NTM: variants seen among roughly 807,000 people sequenced by gnomAD.
NTM encodes neurotrimin, also known as IgLON family member 2.
NTM carries 13 observed loss-of-function variants against 42.1 expected under a neutral mutation model. The ratio of observed to expected loss-of-function variants is 0.31; its 90% CI spans 0.20 to 0.49. NTM has a LOEUF of 0.49. NTM is among the 20% of genes least tolerant of loss of function. The pLI is 0.99. For synonymous variants in NTM, 187 were observed against 179.2 expected, an observed-to-expected ratio of 1.04 and a Z score of -0.35; for missense variants, 373 against 452.8, an observed-to-expected ratio of 0.82 and a Z score of 1.60.
chr11:132,159,085 AG>A (rs887953636), intron 3 of NTM, among the ~76,000 whole-genome samples: 1 of 152,190 alleles, frequency 6.6e-6, no homozygotes, highest in African/African-American at 2.4e-5. Context: ...ATCAGAATGA[AG>A]GGTGGATTGG....
intron 2 of NTM, among the ~76,000 whole-genome samples, chr11:132,124,773 T>C (rs1167612023): frequency 1.3e-5 from 2 of 152,086 alleles, no homozygotes; most frequent in Non-Finnish European, 2.9e-5. Flanking sequence ...GTCCAGGAGA[T>C]TGAAATTGTC....
At chr11:131,821,428 T>A (rs2093183673) in intron 1 of NTM, among the ~76,000 whole-genome samples, 1 of 152,210 alleles carries the variant, frequency 6.6e-6, no homozygotes, top group Non-Finnish European at 1.5e-5. Context: ...TTTCCATGGT[T>A]GCTTCAGCAA....
intron 1 of NTM, among the ~76,000 whole-genome samples, chr11:131,891,099 A>G (rs906525025): frequency 4.6e-5 from 7 of 152,178 alleles, no homozygotes; most frequent in African/African-American, 1.4e-4. Context: ...CTTTTCATCT[A>G]TCAAGTAAAT....
At chr11:131,557,133 A>G (rs1273138265) in intron 1 of NTM, among the ~76,000 whole-genome samples, 2 of 152,080 alleles carry the variant, frequency 1.3e-5, no homozygotes, top group African/African-American at 2.4e-5. Flanking sequence ...CATAGAGATG[A>G]ATATTATCTC....
At chr11:131,521,955 TATA>T (rs1565595673) in intron 1 of NTM, among the ~76,000 whole-genome samples, 1 of 152,206 alleles carries the variant, frequency 6.6e-6, no homozygotes, top group African/African-American at 2.4e-5. Context: ...TCATTTCTAA[TATA>T]ATAATAGGTC....
chr11:131,774,149 T>C, intron 1 of NTM: 1 of 982,456 alleles, frequency 1.0e-6, no homozygotes, highest in Non-Finnish European at 1.2e-6. Flanking sequence ...TAAATGTCAG[T>C]GGGAAACCCA....
intron 1 of NTM, among the ~76,000 whole-genome samples, chr11:131,618,053 T>TA (rs2062130204): frequency 6.6e-6 from 1 of 152,152 alleles, no homozygotes; most frequent in Non-Finnish European, 1.5e-5. Context: ...GAGTTGGTGT[T>TA]AAAAAAGCAA....
At chr11:131,521,302 G>A (rs2049634149) in intron 1 of NTM, among the ~76,000 whole-genome samples, 1 of 144,078 alleles carries the variant, frequency 6.9e-6, no homozygotes, top group Non-Finnish European at 1.5e-5. Context: ...GTGACAGAGT[G>A]AGACTCCATC....
At chr11:132,066,261 G>A (rs1412644682) in intron 2 of NTM, among the ~76,000 whole-genome samples, 1 of 152,136 alleles carries the variant, frequency 6.6e-6, no homozygotes, top group African/African-American at 2.4e-5. Flanking sequence ...TGCTCTCTGT[G>A]AATCTTTCTC....
chr11:132,082,358 C>T (rs2059183701), intron 2 of NTM, among the ~76,000 whole-genome samples: 2 of 152,148 alleles, frequency 1.3e-5, no homozygotes, highest in Non-Finnish European at 2.9e-5. Flanking sequence ...TACCAAGCCA[C>T]CATTCATGAG....
chr11:131,782,916 T>A (rs1188986398), intron 1 of NTM, among the ~76,000 whole-genome samples: 1 of 152,132 alleles, frequency 6.6e-6, no homozygotes, highest in Admixed American at 6.5e-5. Context: ...CCTCTAAGAA[T>A]AAGAACGAGA....
At chr11:131,400,979 CCACACACACACACACA>C (rs56256717) in intron 1 of NTM, among the ~76,000 whole-genome samples, 2 of 141,646 alleles carry the variant, frequency 1.4e-5, no homozygotes, top group Admixed American at 7.1e-5. Flanking sequence ...CTGCCACCTG[CCACACACACACACACA>C]CACACACACA....
chr11:132,202,148 A>T (rs1014695721), intron 3 of NTM, among the ~76,000 whole-genome samples: 2 of 152,106 alleles, frequency 1.3e-5, no homozygotes, highest in Non-Finnish European at 2.9e-5. Flanking sequence ...TTTCAGGGAC[A>T]CCTTATTAGA....
intron 1 of NTM, among the ~76,000 whole-genome samples, chr11:131,893,307 A>G (rs1354860003): frequency 1.3e-5 from 2 of 152,248 alleles, no homozygotes; most frequent in Admixed American, 6.5e-5. Flanking sequence ...TCATGCAAAT[A>G]CAGGTATATA....
chr11:132,215,502 A>C (rs2083658539), intron 4 of NTM, among the ~76,000 whole-genome samples: 1 of 152,168 alleles, frequency 6.6e-6, no homozygotes, highest in Non-Finnish European at 1.5e-5. Context: ...GACGTGGCTC[A>C]TACACTTTGA....
At chr11:131,767,893 G>A (rs2085372015) in intron 1 of NTM, among the ~76,000 whole-genome samples, 1 of 152,040 alleles carries the variant, frequency 6.6e-6, no homozygotes, top group Non-Finnish European at 1.5e-5. Flanking sequence ...ACCTCCCGAT[G>A]GGTCATTTGT....
intron 1 of NTM, among the ~76,000 whole-genome samples, chr11:131,783,872 T>C (rs2088638506): frequency 6.6e-6 from 1 of 152,190 alleles, no homozygotes; most frequent in Non-Finnish European, 1.5e-5. Context: ...GACAATATTA[T>C]CAATGCATTT....
At chr11:131,805,889 T>A (rs1284318327) in intron 1 of NTM, among the ~76,000 whole-genome samples, 2 of 152,222 alleles carry the variant, frequency 1.3e-5, no homozygotes, top group East Asian at 1.9e-4. Context: ...AAGAATATAG[T>A]TTTCTTATTT....
chr11:131,926,483 A>C (rs1254098382), intron 2 of NTM, among the ~76,000 whole-genome samples: 1 of 152,030 alleles, frequency 6.6e-6, no homozygotes, highest in African/African-American at 2.4e-5. Context: ...TGCTGGGCAG[A>C]GTATCGGCAA....
Sources: allele counts gnomAD v4.1 joint callset (sites outside exome capture counted in the v4.1 genomes callset), GRCh38; gene constraint gnomAD v4.1.1; transcripts MANE v1.5; gene names NCBI Gene and HGNC (gene_info 2026-07-23, HGNC 2026-07-21).